NMU: variants seen among roughly 807,000 people sequenced by gnomAD.
NMU encodes the protein neuromedin U, also known as neuromedin-U.
Under a neutral mutation model 35.4 loss-of-function variants are expected in NMU, and 29 were observed. The observed-to-expected ratio is 0.82, with a 90% CI of 0.61 to 1.12. The LOEUF (loss-of-function observed/expected upper bound fraction) is 1.12, where lower values mean the gene tolerates loss of function less well. Ranked by LOEUF, NMU falls within the 50% of genes most tolerant of loss-of-function variation. The probability of loss-of-function intolerance (pLI) is 0.00; values close to 1 mark genes in which losing one functional copy is unlikely to be tolerated. For synonymous variants in NMU, 78 were observed against 81.3 expected (o/e 0.96, Z 0.22); for missense variants, 199 against 206.2 (o/e 0.97, Z 0.21).
At chr4:55,602,070 A>C (rs539678090) in intron 7 of NMU, among the ~76,000 whole-genome samples, 1 of 152,208 alleles carries the variant, frequency 6.6e-6, no homozygotes, top group South Asian at 2.1e-4. Flanking sequence ...AAAAGGCCAG[A>C]CAAAATGTAA....
intron 3 of NMU, among the ~76,000 whole-genome samples, chr4:55,615,266 T>A (rs535574082): frequency 6.6e-6 from 1 of 152,346 alleles, no homozygotes; most frequent in Admixed American, 6.5e-5. Flanking sequence ...AGCTGTCTGG[T>A]AGGTGAACTG....
intron 6 of NMU, among the ~76,000 whole-genome samples, chr4:55,606,818 C>T (rs1344165631): frequency 2.0e-5 from 3 of 151,880 alleles, no homozygotes; most frequent in African/African-American, 7.3e-5. Context: ...GCTGAGACCA[C>T]AGGCGTGCCC....
intron 2 of NMU, among the ~76,000 whole-genome samples, chr4:55,630,149 C>A (rs11722402): frequency 0.05 from 7,565 of 152,146 alleles, 233 homozygotes; most frequent in Non-Finnish European, 0.076. Flanking sequence ...AGTACATACA[C>A]ATTTACTGTA....
intron 3 of NMU, among the ~76,000 whole-genome samples, chr4:55,609,505 G>A (rs940075886): frequency 2.6e-5 from 4 of 152,194 alleles, no homozygotes; most frequent in African/African-American, 9.7e-5. Flanking sequence ...AGTAACAAGG[G>A]ACAGTGCCAG....
At chr4:55,632,202 C>T (rs1252652620) in intron 1 of NMU, among the ~76,000 whole-genome samples, 2 of 152,066 alleles carry the variant, frequency 1.3e-5, no homozygotes, top group South Asian at 4.2e-4. Flanking sequence ...ATATTGGGTA[C>T]AGTGTACACC....
intron 4 of NMU, 63 bp downstream of exon 4, chr4:55,609,057 G>A: frequency 1.5e-6 from 2 of 1,376,582 alleles, no homozygotes; most frequent in Non-Finnish European, 2.1e-6. Context: ...TTTCTTCCAG[G>A]AGAAATTCCA....
chr4:55,597,712 T>C (rs1013695439), intron 9 of NMU, among the ~76,000 whole-genome samples: 1 of 152,154 alleles, frequency 6.6e-6, no homozygotes, highest in Non-Finnish European at 1.5e-5. Flanking sequence ...TCCCCATACC[T>C]ATTAGTCTGT....
Position 55,606,879 on chromosome 4 carries a change from T to A in NMU, c.360+419A>T, listed in dbSNP as rs185413750. 2.6e-5 allele frequency among the ~76,000 whole-genome samples: 4 copies of A among 152,212 alleles called. No individual in the cohort carries two copies. In the East Asian group the frequency reaches 7.7e-4, roughly 29 times the overall value. On this transcript the variant is annotated intron_variant, in intron 6 of 9. Coordinates refer to ENST00000264218, the MANE Select transcript of NMU (RefSeq NM_006681.4). ...TTTTAGTAGAGACAGGGTTTCACCA[T>A]GTTGGCCAGGCTGGTCTCGAACTCT...
intron 3 of NMU, among the ~76,000 whole-genome samples, chr4:55,612,233 A>G (rs988281753): frequency 6.6e-6 from 1 of 152,188 alleles, no homozygotes; most frequent in Non-Finnish European, 1.5e-5. Context: ...ATCTTTACAC[A>G]AAATTGTTTT....
At chr4:55,628,271 T>C (rs1373221767) in intron 2 of NMU, among the ~76,000 whole-genome samples, 1 of 152,196 alleles carries the variant, frequency 6.6e-6, no homozygotes, top group Non-Finnish European at 1.5e-5. Flanking sequence ...CAACCATCCA[T>C]CACGCAGTCA....
chr4:55,609,386 A>T (rs991626141), intron 3 of NMU, among the ~76,000 whole-genome samples: 16 of 146,290 alleles, frequency 1.1e-4, no homozygotes, highest in Admixed American at 8.7e-4. Flanking sequence ...TCTAACCAGA[A>T]AAAAAAAAAA....
At chr4:55,609,389 A>T (rs1733841024) in intron 3 of NMU, among the ~76,000 whole-genome samples, 1 of 151,970 alleles carries the variant, frequency 6.6e-6, no homozygotes, top group South Asian at 2.1e-4. Flanking sequence ...AACCAGAAAA[A>T]AAAAAAAGGT....
chr4:55,596,427 T>C (rs1733185001), intron 9 of NMU, among the ~76,000 whole-genome samples: 1 of 151,426 alleles, frequency 6.6e-6, no homozygotes, highest in Non-Finnish European at 1.5e-5. Flanking sequence ...TTGTGAACAC[T>C]CTAATACTTA....
intron 3 of NMU, among the ~76,000 whole-genome samples, chr4:55,612,307 G>A (rs1308949883): frequency 6.6e-6 from 1 of 152,194 alleles, no homozygotes; most frequent in Non-Finnish European, 1.5e-5. Context: ...GGCTGAGGTG[G>A]GAGGATTGCT....
intron 3 of NMU, among the ~76,000 whole-genome samples, chr4:55,611,052 GA>G (rs1733909239): frequency 1.4e-5 from 2 of 146,398 alleles, no homozygotes; most frequent in African/African-American, 5.0e-5. Flanking sequence ...TTACAAAAGA[GA>G]AAAAAGTTCT....
At chr4:55,626,073 A>G (rs915123834) in intron 2 of NMU, among the ~76,000 whole-genome samples, 10 of 152,276 alleles carry the variant, frequency 6.6e-5, no homozygotes, top group African/African-American at 2.4e-4. Flanking sequence ...TGTTTTCCAG[A>G]TGGCTCTACC....
At chr4:55,632,822 T>C (rs1405210999) in intron 1 of NMU, among the ~76,000 whole-genome samples, 1 of 152,076 alleles carries the variant, frequency 6.6e-6, no homozygotes, top group Non-Finnish European at 1.5e-5. Context: ...ATCAGAACCA[T>C]GGAGAGTTTG....
chr4:55,625,294 G>GT (rs982200588), intron 2 of NMU, among the ~76,000 whole-genome samples: 6 of 150,096 alleles, frequency 4.0e-5, no homozygotes, highest in Admixed American at 2.0e-4. Context: ...GCAAGTCTGA[G>GT]TTTTTTCCAG....
At chr4:55,630,539 G>T (rs113371455) in intron 1 of NMU, 79 bp from the exon 2 acceptor site, 2 of 1,119,632 alleles carry the variant, frequency 1.8e-6, no homozygotes, top group South Asian at 1.3e-5. Context: ...ATTCTTTCTC[G>T]CACACTTTCT....
Sources: gnomAD v4.1 joint callset for allele counts (sites outside exome capture counted in the v4.1 genomes callset) on GRCh38, gnomAD v4.1.1 for gene constraint, MANE v1.5 for transcripts, NCBI Gene and HGNC (gene_info 2026-07-23, HGNC 2026-07-21) for gene names.